The following SMAD4 variants were observed in gnomAD, a reference collection of about 807,000 sequenced individuals.
SMAD4 encodes MAD homolog 4.
In SMAD4, 7 loss-of-function variants were observed where a neutral mutation model predicts 63.2. That is an observed-to-expected ratio of 0.11 (90% confidence interval 0.06 to 0.21). The LOEUF is 0.21. Ranked by LOEUF, SMAD4 falls within the 10% of genes least tolerant of loss-of-function variation. The probability of loss-of-function intolerance (pLI) is 1.00; values close to 1 mark genes in which losing one functional copy is unlikely to be tolerated. For synonymous variants in SMAD4, 215 were observed against 235.4 expected (o/e 0.91, Z 0.79); for missense variants, 312 against 693.8 (o/e 0.45, Z 6.18).
At chr18:51,076,116 A>G (rs1459433340) in intron 10 of SMAD4, among the ~76,000 whole-genome samples, 1 of 152,226 alleles carries the variant, frequency 6.6e-6, no homozygotes, top group Non-Finnish European at 1.5e-5. Flanking sequence ...ATTTTAAAAC[A>G]AGTCCTGGAT....
intron 1 of SMAD4, among the ~76,000 whole-genome samples, chr18:51,041,089 C>T (rs1402094185): frequency 6.6e-6 from 1 of 152,146 alleles, no homozygotes; most frequent in African/African-American, 2.4e-5. Flanking sequence ...GCCCATGCCC[C>T]AGTCTAGGAT....
intron 4 of SMAD4, chr18:51,052,661 A>G: frequency 3.5e-6 from 1 of 283,276 alleles, no homozygotes; most frequent in South Asian, 3.2e-5. Flanking sequence ...AAATCAAAAT[A>G]CTATAAAAAG....
At position 51,081,301 on chromosome 18, in the gene SMAD4, G is replaced by A. The variant is rs1269308759; in HGVS notation, c.*2834G>A. On this transcript the variant is annotated 3_prime_UTR_variant, in exon 12 of 12. Coordinates refer to ENST00000342988, the MANE Select transcript of SMAD4 (RefSeq NM_005359.6). ...GAGAGATGAGCCATGTACACCCACCGTAAGACCTCATTCCATGTTTGTCCA... is the reference window on the plus strand; with the variant it reads ...GAGAGATGAGCCATGTACACCCACCATAAGACCTCATTCCATGTTTGTCCA... 3 of 227,688 alleles carry A rather than the reference G, an allele frequency of 1.3e-5. No homozygotes were observed. The highest frequency in any genetic ancestry group is 5.7e-5 in the Admixed American group (1 of 17,608). 14.1% of individuals were successfully genotyped at this position (227,688 alleles called of 1,614,324 possible).
intron 10 of SMAD4, among the ~76,000 whole-genome samples, chr18:51,072,585 A>T (rs546431424): frequency 6.6e-6 from 1 of 152,318 alleles, no homozygotes; most frequent in East Asian, 1.9e-4. Flanking sequence ...ATTTAAGATT[A>T]TATAGTATTG....
In SMAD4 at chr18:51,081,220, T is replaced by A. The variant is rs578001265; in HGVS notation, c.*2753T>A. 8.9e-6 allele frequency: 2 copies of A among 224,496 alleles called. No homozygotes were observed. The highest frequency in any genetic ancestry group is 1.8e-5 in the Non-Finnish European group (2 of 112,690). 13.9% of individuals were successfully genotyped at this position (224,496 alleles called of 1,614,324 possible). A position where few individuals can be genotyped will look rare whatever the true frequency, so the allele number is the denominator to read the frequency against. On this transcript the variant is annotated 3_prime_UTR_variant, in exon 12 of 12. Coordinates refer to ENST00000342988, the MANE Select transcript of SMAD4 (RefSeq NM_005359.6). ...GTTATGGTTCTGGGTGGGTTTTCTC[T>A]AGCTAATTCATATCTCAAAGAGTCT... is the stretch of plus-strand genomic sequence containing the variant.
At chr18:51,066,015 A>G (rs1250391730) in intron 9 of SMAD4, among the ~76,000 whole-genome samples, 1 of 151,584 alleles carries the variant, frequency 6.6e-6, no homozygotes, top group Non-Finnish European at 1.5e-5. Context: ...GTAAATTATG[A>G]TAAATTTTTC....
chr18:51,054,221 T>G (rs956670915), intron 4 of SMAD4: 1 of 153,360 alleles, frequency 6.5e-6, no homozygotes, highest in Non-Finnish European at 1.5e-5. Context: ...TTTTTCCGTT[T>G]GGTTCTAAAC....
rs776206938 is a variant in SMAD4 at position 51,082,912 on chromosome 18, C to T, written c.*4445C>T. 1.3e-5 allele frequency: 3 copies of T among 226,060 alleles called. No homozygotes were observed. The highest frequency in any genetic ancestry group is 1.8e-5 in the Non-Finnish European group (2 of 113,540). The allele number at this position is 226,060 out of a possible 1,614,324, so 14.0% of individuals were successfully genotyped here. The stretch of plus-strand genomic sequence containing the variant: ...ACTTACTAGAACGTTCTTTAAAACA[C>T]AAGTACAAACTCTGGGACAGGACCC... On this transcript the variant is annotated 3_prime_UTR_variant, in exon 12 of 12. Coordinates refer to ENST00000342988, the MANE Select transcript of SMAD4 (RefSeq NM_005359.6).
intron 8 of SMAD4, among the ~76,000 whole-genome samples, chr18:51,061,142 G>A (rs988548240): frequency 2.6e-5 from 4 of 152,052 alleles, no homozygotes; most frequent in Non-Finnish European, 5.9e-5. Flanking sequence ...TTTGATACAG[G>A]CATATAATGC....
intron 10 of SMAD4, among the ~76,000 whole-genome samples, chr18:51,069,998 T>G (rs549896288): frequency 6.6e-6 from 1 of 152,206 alleles, no homozygotes; most frequent in Non-Finnish European, 1.5e-5. Flanking sequence ...ATGATCAGTT[T>G]GGAGAGGATG....
chr18:51,034,283 G>A (rs1407217416), intron 1 of SMAD4, among the ~76,000 whole-genome samples: 1 of 129,360 alleles, frequency 7.7e-6, no homozygotes, highest in Non-Finnish European at 1.6e-5. Context: ...TTTCGCTCTT[G>A]TCACCCAGGC....
rs114235542 is a variant in SMAD4 at position 51,050,725 on chromosome 18, G to A, written c.454+1401G>A. Among the ~76,000 whole-genome samples, 1,382 of 151,782 alleles carry A rather than the reference G, an allele frequency of 9.1e-3. 19 individuals carry two copies. Among genetic ancestry groups the A allele is most frequent in the African/African-American group, 0.032 (1,314 of 41,392 alleles). On this transcript the variant is annotated intron_variant, in intron 4 of 11. Coordinates refer to ENST00000342988, the MANE Select transcript of SMAD4 (RefSeq NM_005359.6). Reference sequence around the variant, plus strand: ...GTGCTCTTGTTCTGGAGGGCAGTTAGTAGTAGTTTAGCACCTTTTTTGTTT... The same window carrying A: ...GTGCTCTTGTTCTGGAGGGCAGTTAATAGTAGTTTAGCACCTTTTTTGTTT...
At chr18:51,068,213 A>G (rs542553108) in intron 10 of SMAD4, among the ~76,000 whole-genome samples, 4 of 152,324 alleles carry the variant, frequency 2.6e-5, no homozygotes, top group African/African-American at 9.6e-5. Context: ...GAATGTTGGA[A>G]TTTTTTTATA....
intron 1 of SMAD4, among the ~76,000 whole-genome samples, chr18:51,042,824 C>T (rs72913254): frequency 1.1e-3 from 165 of 152,308 alleles, no homozygotes; most frequent in Middle Eastern, 3.4e-3. Flanking sequence ...GCCCCAGCCT[C>T]TTGTTAATTC....
chr18:51,065,837 A>G lies in SMAD4; in HGVS notation c.1139+231A>G, dbSNP rs551974056. 1.3e-3 allele frequency among the ~76,000 whole-genome samples: 191 copies of G among 152,264 alleles called. 1 individual carries two copies. Among genetic ancestry groups the G allele is most frequent in the African/African-American group, 3.9e-3 (160 of 41,548 alleles). On this transcript the variant is annotated intron_variant, in intron 9 of 11. Coordinates refer to ENST00000342988, the MANE Select transcript of SMAD4 (RefSeq NM_005359.6). ...GCCTTTTTTATGTTAGTAGGTTTCT[A>G]TGTTTCGAATAGTAAGTATACCTTT...
intron 4 of SMAD4, chr18:51,051,102 A>G (rs1309523869): frequency 6.2e-6 from 1 of 160,364 alleles, no homozygotes; most frequent in Non-Finnish European, 1.4e-5. Context: ...CGTTTGTCTC[A>G]GTGGGTATTA....
In SMAD4 at chr18:51,078,358, G is replaced by A. The variant is rs1910523061; in HGVS notation, c.1550G>A (p.Ser517Asn). 6.2e-7 allele frequency: 1 copy of A among 1,614,192 alleles called. No individual in the cohort carries two copies. Among genetic ancestry groups the A allele is most frequent in the Non-Finnish European group, 8.5e-7 (1 of 1,180,010 alleles). ...TGGGGACCGGATTACCCAAGACAGA[G>A]CATCAAAGAAACACCTTGCTGGATT... ...KGWGPDYPRQ[S>N]IKETPCWIEI... The change falls in exon 12 of 12, where the codon AGC becomes AAC. Residue 517 changes from serine (S) to asparagine (N), a missense_variant. Coordinates refer to ENST00000342988, the MANE Select transcript of SMAD4 (RefSeq NM_005359.6).
In SMAD4 at chr18:51,048,552, G is replaced by T. The variant is rs1909613363; in HGVS notation, c.250-134G>T. On this transcript the variant is annotated intron_variant, in intron 2 of 11. Transcript: ENST00000342988. ...GTATGACATGGCCAAGTTAGTTATTGTGAATTTTAGTTTTCTTATTTATGA... is the reference window on the plus strand; with the variant it reads ...GTATGACATGGCCAAGTTAGTTATTTTGAATTTTAGTTTTCTTATTTATGA... 5 of 809,032 alleles carry T rather than the reference G, an allele frequency of 6.2e-6. No homozygotes were observed. In the South Asian group the frequency reaches 7.3e-5, roughly 12 times the overall value. 50.1% of individuals were successfully genotyped at this position (809,032 alleles called of 1,614,324 possible). A position where few individuals can be genotyped will look rare whatever the true frequency, so the allele number is the denominator to read the frequency against.
At chr18:51,063,670 C>T (rs1338584976) in intron 8 of SMAD4, among the ~76,000 whole-genome samples, 6 of 152,176 alleles carry the variant, frequency 3.9e-5, no homozygotes, top group Admixed American at 3.9e-4. Flanking sequence ...ATCTTGGCCT[C>T]CCAAAGTGCT....
Sources: allele counts gnomAD v4.1 joint callset (sites outside exome capture counted in the v4.1 genomes callset), GRCh38; gene constraint gnomAD v4.1.1; transcripts MANE v1.5; gene names NCBI Gene and HGNC (gene_info 2026-07-23, HGNC 2026-07-21).